Variants in GALNT13 observed in about 807,000 individuals in gnomAD.
GALNT13 encodes polypeptide N-acetylgalactosaminyltransferase 13.
A neutral mutation model predicts 64.2 loss-of-function variants in GALNT13; 28 were observed. The observed-to-expected ratio is 0.44, with a 90% CI of 0.32 to 0.60. The LOEUF (loss-of-function observed/expected upper bound fraction) is 0.60. Among genes scored for constraint, GALNT13 ranks in the 20% least tolerant of loss-of-function variants. GALNT13 has a pLI of 0.05. For missense variants in GALNT13, 577 were observed against 669.8 expected, an observed-to-expected ratio of 0.86 and a Z score of 1.53; for synonymous variants, 214 against 224.6, an observed-to-expected ratio of 0.95 and a Z score of 0.42.
chr2:153,569,536 C>A, the GALNT13 span, among the ~76,000 whole-genome samples: 10 of 142,854 alleles, frequency 7.0e-5, no homozygotes, highest in East Asian at 2.0e-4. Context: ...TAAAAAAAAT[C>A]TTTTTATTTT....
At chr2:153,871,624 A>G (rs1259520160), upstream of GALNT13, among the ~76,000 whole-genome samples, 2 of 152,134 alleles carry the variant, frequency 1.3e-5, no homozygotes, top group Non-Finnish European at 1.5e-5. Context: ...CTCCGGCGAG[A>G]GGAGCTGACC....
intron 4 of GALNT13, among the ~76,000 whole-genome samples, chr2:154,217,628 A>C (rs1414687632): frequency 1.3e-5 from 2 of 152,166 alleles, no homozygotes; most frequent in Non-Finnish European, 2.9e-5. Context: ...AATATTTATC[A>C]AAAAAGGAAA....
At chr2:153,931,376 A>G (rs1690506081) in intron 2 of GALNT13, among the ~76,000 whole-genome samples, 1 of 151,624 alleles carries the variant, frequency 6.6e-6, no homozygotes, top group Non-Finnish European at 1.5e-5. Context: ...GACTCCCAGT[A>G]TGTTGCTGAA....
chr2:153,624,678 A>G, the GALNT13 span, among the ~76,000 whole-genome samples: 2 of 152,206 alleles, frequency 1.3e-5, no homozygotes, highest in South Asian at 4.1e-4. Context: ...GCGGGTTATT[A>G]CAGCAACAAA....
intron 3 of GALNT13, among the ~76,000 whole-genome samples, chr2:154,085,390 G>A (rs150962633): frequency 1.3e-5 from 2 of 152,062 alleles, no homozygotes; most frequent in African/African-American, 4.8e-5. Context: ...GTTTTCAGGT[G>A]CAGCTTACCT....
chr2:154,182,764 C>T (rs1210884911), intron 4 of GALNT13, among the ~76,000 whole-genome samples: 3 of 151,122 alleles, frequency 2.0e-5, no homozygotes, highest in African/African-American at 7.3e-5. Flanking sequence ...AAGAGTAGGC[C>T]TGGCACAGTG....
intron 3 of GALNT13, among the ~76,000 whole-genome samples, chr2:154,096,737 T>C (rs1702087975): frequency 2.0e-5 from 3 of 152,078 alleles, no homozygotes. Context: ...TTGGTAGTAA[T>C]GACTATGAAG....
At chr2:153,427,334 C>T in the GALNT13 span, among the ~76,000 whole-genome samples, 1 of 151,994 alleles carries the variant, frequency 6.6e-6, no homozygotes, top group Admixed American at 6.6e-5. Context: ...AGAGGCCACA[C>T]AATGGGTTGG....
the GALNT13 span, among the ~76,000 whole-genome samples, chr2:153,549,204 T>C: frequency 6.6e-6 from 1 of 152,160 alleles, no homozygotes; most frequent in Non-Finnish European, 1.5e-5. Context: ...CACAATCACG[T>C]GAACATACTA....
chr2:153,539,317 G>A, the GALNT13 span, among the ~76,000 whole-genome samples: 100 of 151,912 alleles, frequency 6.6e-4, no homozygotes, highest in African/African-American at 9.2e-4. Context: ...AGTAGGTTGC[G>A]AAAATTTTCT....
chr2:154,154,244 A>G (rs1017248530), intron 4 of GALNT13, among the ~76,000 whole-genome samples: 2 of 152,242 alleles, frequency 1.3e-5, no homozygotes, highest in Non-Finnish European at 2.9e-5. Context: ...TTAATAAAGA[A>G]AAAGTAATTT....
At chr2:153,990,784 C>T (rs1449760111) in intron 3 of GALNT13, among the ~76,000 whole-genome samples, 1 of 152,148 alleles carries the variant, frequency 6.6e-6, no homozygotes, top group African/African-American at 2.4e-5. Context: ...AAACTAAAAA[C>T]TTTCTTCTGC....
intron 10 of GALNT13, among the ~76,000 whole-genome samples, chr2:154,401,045 T>G (rs1174844914): frequency 1.3e-5 from 2 of 152,206 alleles, no homozygotes; most frequent in Non-Finnish European, 2.9e-5. Context: ...CATTTGCATG[T>G]TGCTTTGAAG....
chr2:153,477,754 G>C, the GALNT13 span: 1 of 158,082 alleles, frequency 6.3e-6, no homozygotes, highest in Non-Finnish European at 1.4e-5. Context: ...GGCAGGGGGG[G>C]AGCAGGAGAA....
At chr2:154,090,963 A>G (rs1419594886) in intron 3 of GALNT13, among the ~76,000 whole-genome samples, 1 of 151,936 alleles carries the variant, frequency 6.6e-6, no homozygotes, top group Non-Finnish European at 1.5e-5. Context: ...ACAAATTATT[A>G]TCAATATTAT....
At chr2:153,085,231 A>T in the GALNT13 span, among the ~76,000 whole-genome samples, 1 of 152,158 alleles carries the variant, frequency 6.6e-6, no homozygotes, top group African/African-American at 2.4e-5. Context: ...AGTTTGGAAA[A>T]TTTGCAGCCT....
chr2:154,291,598 G>A (rs1030406884), intron 8 of GALNT13, among the ~76,000 whole-genome samples: 8 of 152,180 alleles, frequency 5.3e-5, no homozygotes, highest in African/African-American at 1.9e-4. Context: ...GCTGGGTGCG[G>A]GGCCCACCGA....
chr2:154,202,871 G>T (rs559084033), intron 4 of GALNT13, among the ~76,000 whole-genome samples: 5 of 152,200 alleles, frequency 3.3e-5, no homozygotes, highest in Middle Eastern at 3.4e-3. Context: ...TAAAAACACA[G>T]AATTCTGAGC....
chr2:154,209,819 TTAAC>T (rs1687667957), intron 4 of GALNT13, among the ~76,000 whole-genome samples: 1 of 152,154 alleles, frequency 6.6e-6, no homozygotes, highest in African/African-American at 2.4e-5. Context: ...ATCAATCTAA[TTAAC>T]ATATAAACCA....
Sources: gnomAD v4.1 joint callset for allele counts (sites outside exome capture counted in the v4.1 genomes callset) on GRCh38, gnomAD v4.1.1 for gene constraint, MANE v1.5 for transcripts, NCBI Gene and HGNC (gene_info 2026-07-23, HGNC 2026-07-21) for gene names.